Variants in GLI2 observed in about 807,000 individuals in gnomAD.
GLI2 encodes the protein GLI family zinc finger 2, also known as transcription activator GLI2.
In GLI2, 22 loss-of-function variants were observed where a neutral mutation model predicts 78.9. The observed-to-expected ratio is 0.28, with a 90% CI of 0.20 to 0.40. The LOEUF (loss-of-function observed/expected upper bound fraction) is 0.40, where lower values mean the gene tolerates loss of function less well. GLI2 is among the 10% of genes least tolerant of loss of function. The pLI, the probability that GLI2 is intolerant of heterozygous loss-of-function variation, is 1.00. For synonymous variants in GLI2, 974 were observed against 963.7 expected (o/e 1.01, Z -0.20); for missense variants, 2,097 against 2,213.2 (o/e 0.95, Z 1.05).
intron 2 of GLI2, among the ~76,000 whole-genome samples, chr2:120,911,490 G>A (rs1678816941): frequency 1.3e-5 from 2 of 152,118 alleles, no homozygotes; most frequent in Non-Finnish European, 2.9e-5. Context: ...CTGCGGCCCC[G>A]AGCAGCATGG....
chr2:120,795,143 G>C (rs1021465407), intron 1 of GLI2, among the ~76,000 whole-genome samples: 3 of 152,218 alleles, frequency 2.0e-5, no homozygotes, highest in African/African-American at 7.2e-5. Context: ...GATCCCTTGA[G>C]CCCAGGAGTT....
chr2:120,948,181 G>A (rs758790774), intron 3 of GLI2, among the ~76,000 whole-genome samples: 5 of 152,218 alleles, frequency 3.3e-5, no homozygotes, highest in Non-Finnish European at 5.9e-5. Flanking sequence ...CGCACAGCAT[G>A]GAGAATGACT....
At position 120,988,395 on chromosome 2, in the gene GLI2, C is replaced by A; in HGVS notation, c.2430C>A (p.Ser810=). The A allele has an allele frequency of 6.4e-7, 1 of 1,573,714 alleles. No individual in the cohort carries two copies. Among genetic ancestry groups the A allele is most frequent in the Non-Finnish European group, 8.5e-7 (1 of 1,169,960 alleles). ...YTVSRRSSGI[S]PYFSSRRSSE... is the part of the protein sequence containing the mutation. Reference sequence around the variant, plus strand: ...TGAGCCGCCGCTCCTCCGGCATCTCCCCCTACTTCTCCAGCCGCCGCTCCA... The same window carrying A: ...TGAGCCGCCGCTCCTCCGGCATCTCACCCTACTTCTCCAGCCGCCGCTCCA... The change falls in exon 14 of 14, where the codon TCC becomes TCA. Residue 810 remains serine, a synonymous_variant. Coordinates refer to ENST00000361492, the MANE Select transcript of GLI2 (RefSeq NM_001374353.1).
At position 120,989,240 on chromosome 2, in the gene GLI2, G is replaced by A; in HGVS notation, c.3275G>A (p.Arg1092Lys). The A allele has an allele frequency of 6.2e-7, 1 of 1,613,160 alleles. No homozygotes were observed. The highest frequency in any genetic ancestry group is 1.1e-5 in the South Asian group (1 of 91,090). ...AGCCCGGGGCTGCACGGCCAGCGCA[G>A]GATGGTGGCTGCGGACTCCAACGTG... ...LPSPGLHGQR[R>K]MVAADSNVGP... Residue 1092 changes from arginine to lysine, a missense_variant, in exon 14 of 14, where the codon AGG becomes AAG. Around this residue, in one of 5 missense-constraint regions of GLI2, gnomAD observed 1,290 missense variants for 1,261.7 expected, o/e 1.02. Transcript: ENST00000361492.
intron 6 of GLI2, among the ~76,000 whole-genome samples, chr2:120,969,126 A>G (rs1682012866): frequency 6.6e-6 from 1 of 152,258 alleles, no homozygotes; most frequent in Non-Finnish European, 1.5e-5. Flanking sequence ...ATCTTCATGG[A>G]CCAGGCCTGT....
At chr2:120,866,949 G>A (rs968583409) in intron 2 of GLI2, among the ~76,000 whole-genome samples, 2 of 152,282 alleles carry the variant, frequency 1.3e-5, no homozygotes, top group Admixed American at 1.3e-4. Context: ...TGCCCGCAGG[G>A]ACTCCACTTC....
At chr2:120,789,497 G>A (rs1684089093) in intron 1 of GLI2, among the ~76,000 whole-genome samples, 1 of 152,170 alleles carries the variant, frequency 6.6e-6, no homozygotes, top group Non-Finnish European at 1.5e-5. Context: ...CCACAGGGCA[G>A]ACTGGATGGT....
At chr2:120,773,909 CCT>C (rs1573364476) in intron 1 of GLI2, among the ~76,000 whole-genome samples, 1 of 126,432 alleles carries the variant, frequency 7.9e-6, no homozygotes, top group African/African-American at 3.1e-5. Context: ...CTCCCTCCTT[CCT>C]TCCTTCCTTC....
rs1042053340 is a variant in GLI2 at position 120,835,806 on chromosome 2, GTA to G, written c.148+38340_148+38341del. Among the ~76,000 whole-genome samples the G allele has an allele frequency of 1.4e-4, 22 of 152,088 alleles. No individual in the cohort carries two copies. The East Asian group carries it at 3.1e-3, about 21-fold the overall frequency. ...GATGTGTGTGTGCGTTTGTGTGTGTGTATGTGTGTGTGTGTATACATATATAT... is the reference window on the plus strand; with the variant it reads ...GATGTGTGTGTGCGTTTGTGTGTGTGTGTGTGTGTGTGTATACATATATAT... On this transcript the variant is annotated intron_variant, in intron 2 of 13. Coordinates refer to ENST00000361492, the MANE Select transcript of GLI2 (RefSeq NM_001374353.1).
intron 2 of GLI2, among the ~76,000 whole-genome samples, chr2:120,912,499 T>C (rs1267334685): frequency 6.6e-6 from 1 of 152,076 alleles, no homozygotes; most frequent in African/African-American, 2.4e-5. Flanking sequence ...GTGGACACCG[T>C]ATCCCAGCAA....
intron 2 of GLI2, among the ~76,000 whole-genome samples, chr2:120,836,713 G>C (rs1402534215): frequency 2.6e-5 from 4 of 152,172 alleles, no homozygotes; most frequent in Non-Finnish European, 5.9e-5. Context: ...TGTGTGCATG[G>C]ACACCTGGAG....
At chr2:120,807,350 C>T (rs1685007657) in intron 2 of GLI2, among the ~76,000 whole-genome samples, 1 of 152,094 alleles carries the variant, frequency 6.6e-6, no homozygotes. Context: ...CTAGGCTGAC[C>T]AATAATGAGA....
At chr2:120,927,136 A>G (rs1368294315) in intron 2 of GLI2, among the ~76,000 whole-genome samples, 2 of 152,222 alleles carry the variant, frequency 1.3e-5, no homozygotes, top group African/African-American at 2.4e-5. Flanking sequence ...GTCTTTGTCA[A>G]GAGCGCAGTT....
chr2:120,966,909 G>A (rs1388873110), intron 5 of GLI2, among the ~76,000 whole-genome samples: 1 of 152,222 alleles, frequency 6.6e-6, no homozygotes, highest in Non-Finnish European at 1.5e-5. Context: ...AGTGGTCAAA[G>A]CCATCAGGAA....
chr2:120,869,409 A>G lies in GLI2; in HGVS notation c.149-57952A>G, dbSNP rs546913941. 3.3e-5 allele frequency among the ~76,000 whole-genome samples: 5 copies of G among 152,256 alleles called. No homozygotes were observed. The East Asian group carries it at 9.7e-4, about 29-fold the overall frequency. On this transcript the variant is annotated intron_variant, in intron 2 of 13. Transcript: ENST00000361492. ...ACAATTTAGTTTTTTTCCCCTAGCTAGCCCCATCACAAACTTTTGAAGCAT... is the reference window on the plus strand; with the variant it reads ...ACAATTTAGTTTTTTTCCCCTAGCTGGCCCCATCACAAACTTTTGAAGCAT...
chr2:120,826,466 C>T (rs964428168), intron 2 of GLI2, among the ~76,000 whole-genome samples: 3 of 152,176 alleles, frequency 2.0e-5, no homozygotes, highest in Admixed American at 6.5e-5. Context: ...AGGCAGTGTG[C>T]GTCTCCACAC....
At chr2:120,852,978 C>T (rs1350122173) in intron 2 of GLI2, among the ~76,000 whole-genome samples, 1 of 152,180 alleles carries the variant, frequency 6.6e-6, no homozygotes, top group Non-Finnish European at 1.5e-5. Flanking sequence ...AACAGAGGAG[C>T]ACAGAGAAGA....
intron 11 of GLI2, 120 bp from the exon 12 acceptor site, chr2:120,984,351 T>G (rs564800687): frequency 3.0e-4 from 304 of 1,026,838 alleles, no homozygotes; most frequent in Non-Finnish European, 4.4e-4. Flanking sequence ...CAGCACCTAC[T>G]GACGTTGCCA....
chr2:120,938,551 C>T (rs1282714758), intron 3 of GLI2, among the ~76,000 whole-genome samples: 1 of 152,238 alleles, frequency 6.6e-6, no homozygotes, highest in South Asian at 2.1e-4. Flanking sequence ...AGTAAGAAAT[C>T]TGCTCTTTGT....
Sources: gnomAD v4.1 joint callset for allele counts (sites outside exome capture counted in the v4.1 genomes callset) on GRCh38, gnomAD v4.1.1 for gene constraint, gnomAD v4.1.1 regional missense constraint, MANE v1.5 for transcripts, NCBI Gene and HGNC (gene_info 2026-07-23, HGNC 2026-07-21) for gene names.